The following PAWR variants were observed in gnomAD, a reference collection of about 807,000 sequenced individuals.
PAWR encodes pro-apoptotic WT1 regulator, also known as PRKC apoptosis WT1 regulator protein.
A neutral mutation model predicts 32.0 loss-of-function variants in PAWR; 23 were observed. The ratio of observed to expected loss-of-function variants is 0.72; its 90% CI spans 0.52 to 1.02. PAWR has a LOEUF of 1.02. PAWR is among the 50% of genes least tolerant of loss of function. The probability of loss-of-function intolerance (pLI) is 0.00; values close to 1 mark genes in which losing one functional copy is unlikely to be tolerated. For synonymous variants in PAWR, 226 were observed against 187.1 expected (o/e 1.21, Z -1.70); for missense variants, 457 against 437.7 (o/e 1.04, Z -0.39).
Position 79,646,384 on chromosome 12 carries a change from T to A in PAWR, c.517-25177A>T, listed in dbSNP as rs189295353. ...TAAAGACATGTCTGACTCTGAGACATCAGTAATAGTCAAGAGTAGAGGTAA... is the reference window on the plus strand; with the variant it reads ...TAAAGACATGTCTGACTCTGAGACAACAGTAATAGTCAAGAGTAGAGGTAA... On this transcript the variant is annotated intron_variant, in intron 2 of 6. Transcript: ENST00000328827. Among the ~76,000 whole-genome samples, 266 of 152,274 alleles carry A rather than the reference T, an allele frequency of 1.7e-3. 3 individuals carry two copies. The highest frequency in any genetic ancestry group is 0.015 in the Admixed American group (237 of 15,300).
chr12:79,664,112 T>C (rs950881709), intron 2 of PAWR, among the ~76,000 whole-genome samples: 5 of 152,128 alleles, frequency 3.3e-5, no homozygotes, highest in African/African-American at 1.2e-4. Context: ...GTGAGAAATG[T>C]GGGATTATTT....
In PAWR at chr12:79,690,140, G is replaced by A. The variant is rs763688051; in HGVS notation, c.105C>T (p.Asn35=). ...AKREKMRAKQ[N]PPGPAPPGGG... ...CTCCCGGGGGGGCCGGGCCCGGGGGGTTCTGCTTGGCGCGCATCTTCTCGC... is the reference window on the plus strand; with the variant it reads ...CTCCCGGGGGGGCCGGGCCCGGGGGATTCTGCTTGGCGCGCATCTTCTCGC... The change falls in exon 2 of 7, where the codon AAC becomes AAT. Residue 35 remains asparagine, a synonymous_variant. Coordinates refer to ENST00000328827, the MANE Select transcript of PAWR (RefSeq NM_002583.4). 41 of 1,521,092 alleles carry A rather than the reference G, an allele frequency of 2.7e-5. No homozygotes were observed. The highest frequency in any genetic ancestry group is 6.0e-5 in the Admixed American group (3 of 49,636). 94.2% of individuals were successfully genotyped at this position (1,521,092 alleles called of 1,614,324 possible).
rs774705585 is a variant in PAWR, at chr12:79,592,700, A to G, written c.937-7T>C. ...CTTCTATGTCATCTAGGTCCTTAAG[A>G]AAAAAAAAAGACACTTTAAAAATAC... On this transcript the variant is annotated splice_region_variant and splice_polypyrimidine_tract_variant and intron_variant, in intron 6 of 6. Transcript: ENST00000328827. The G allele has an allele frequency of 4.4e-6, 3 of 679,484 alleles. No individual in the cohort carries two copies. Among genetic ancestry groups the G allele is most frequent in the South Asian group, 3.3e-5 (2 of 60,482 alleles). 42.1% of individuals were successfully genotyped at this position (679,484 alleles called of 1,614,324 possible).
chr12:79,599,950 A>C (rs544953625), intron 4 of PAWR, among the ~76,000 whole-genome samples: 1 of 152,340 alleles, frequency 6.6e-6, no homozygotes, highest in Admixed American at 6.5e-5. Flanking sequence ...ATTCTTTCAA[A>C]TAATGAATTT....
chr12:79,597,941 G>A (rs1873823471), intron 4 of PAWR: 1 of 152,162 alleles, frequency 6.6e-6, no homozygotes, highest in Non-Finnish European at 1.5e-5. Context: ...GTCATCTGAA[G>A]GCTTAACTGG....
chr12:79,667,261 T>TG (rs1460122814), intron 2 of PAWR, among the ~76,000 whole-genome samples: 1 of 152,158 alleles, frequency 6.6e-6, no homozygotes, highest in East Asian at 1.9e-4. Context: ...CAGTGATTGC[T>TG]GACATAGAAA....
At chr12:79,652,509 G>C (rs2463167) in intron 2 of PAWR, among the ~76,000 whole-genome samples, 29,890 of 152,150 alleles carry the variant, frequency 0.2, 7,779 homozygotes, top group African/African-American at 0.6. Context: ...CTTCAGATTT[G>C]TAATTCTGAA....
At chr12:79,618,407 G>T (rs1468873795) in intron 3 of PAWR, among the ~76,000 whole-genome samples, 2 of 152,100 alleles carry the variant, frequency 1.3e-5, no homozygotes, top group Non-Finnish European at 2.9e-5. Flanking sequence ...GGGATTACAG[G>T]CATGAGCCAC....
intron 2 of PAWR, among the ~76,000 whole-genome samples, chr12:79,632,344 T>A (rs186877442): frequency 1.6e-5 from 1 of 63,988 alleles, no homozygotes; most frequent in African/African-American, 1.8e-4. Context: ...TATATATATA[T>A]ATATATATAT....
chr12:79,629,324 T>C (rs1017715532), intron 2 of PAWR, among the ~76,000 whole-genome samples: 5 of 152,134 alleles, frequency 3.3e-5, no homozygotes, highest in East Asian at 1.9e-4. Context: ...AAAACACATA[T>C]CTAATGTAAG....
At chr12:79,679,686 C>G (rs1289116163) in intron 2 of PAWR, among the ~76,000 whole-genome samples, 1 of 152,086 alleles carries the variant, frequency 6.6e-6, no homozygotes, top group Non-Finnish European at 1.5e-5. Flanking sequence ...CTAGACTCAG[C>G]TAGAGGAAAA....
chr12:79,656,828 A>G (rs914453956), intron 2 of PAWR, among the ~76,000 whole-genome samples: 1 of 152,208 alleles, frequency 6.6e-6, no homozygotes, highest in African/African-American at 2.4e-5. Context: ...TGACCCTGAG[A>G]GACAGAAAAC....
At chr12:79,607,533 AC>A (rs1397378673) in intron 4 of PAWR, among the ~76,000 whole-genome samples, 1 of 151,880 alleles carries the variant, frequency 6.6e-6, no homozygotes. Context: ...GTTCAGGATC[AC>A]CCTGGGCAAC....
Position 79,689,940 on chromosome 12 carries a change from G to T in PAWR, c.305C>A (p.Ala102Asp). The T allele has an allele frequency of 1.4e-6, 2 of 1,405,026 alleles. No individual in the cohort carries two copies. Among genetic ancestry groups the T allele is most frequent in the Non-Finnish European group, 9.2e-7 (1 of 1,086,160 alleles). The allele number at this position is 1,405,026 out of a possible 1,614,324, so 87.0% of individuals were successfully genotyped here. ...AVGSAMLTRA[A>D]PGPRRSEDEP... Reference sequence around the variant, plus strand: ...GTCCTCCGACCGCCGCGGGCCGGGGGCCGCCCGCGTCAGCATGGCGGAGCC... The same window carrying T: ...GTCCTCCGACCGCCGCGGGCCGGGGTCCGCCCGCGTCAGCATGGCGGAGCC... The change falls in exon 2 of 7, where the codon GCC becomes GAC. Residue 102 changes from alanine to aspartate, a missense_variant. Ala to Asp is a moderately radical substitution (Grantham distance 126). Transcript: ENST00000328827.
intron 5 of PAWR, among the ~76,000 whole-genome samples, chr12:79,596,183 A>C (rs1376708331): frequency 6.6e-6 from 1 of 152,210 alleles, no homozygotes; most frequent in Non-Finnish European, 1.5e-5. Context: ...GCACTGAAAG[A>C]CACTTTTAAA....
chr12:79,660,553 G>A (rs1877298185), intron 2 of PAWR, among the ~76,000 whole-genome samples: 1 of 150,588 alleles, frequency 6.6e-6, no homozygotes, highest in African/African-American at 2.4e-5. Flanking sequence ...GATATATCTA[G>A]CAAGATGGCT....
chr12:79,609,452 A>C (rs1874339561), intron 4 of PAWR, among the ~76,000 whole-genome samples: 1 of 152,102 alleles, frequency 6.6e-6, no homozygotes, highest in Admixed American at 6.5e-5. Flanking sequence ...CTGTGGCCCA[A>C]AGTGAGAACA....
intron 4 of PAWR, among the ~76,000 whole-genome samples, chr12:79,600,260 A>C (rs1295050920): frequency 2.0e-5 from 3 of 152,212 alleles, no homozygotes. Context: ...CTTGTCAAAA[A>C]AGTCCAGTAA....
chr12:79,658,138 T>C (rs927713724), intron 2 of PAWR, among the ~76,000 whole-genome samples: 1 of 152,166 alleles, frequency 6.6e-6, no homozygotes, highest in Non-Finnish European at 1.5e-5. Context: ...TAGAGGAATT[T>C]TTATTTCAGA....
Sources: gnomAD v4.1 joint callset for allele counts (sites outside exome capture counted in the v4.1 genomes callset) on GRCh38, gnomAD v4.1.1 for gene constraint, MANE v1.5 for transcripts, NCBI Gene and HGNC (gene_info 2026-07-23, HGNC 2026-07-21) for gene names.